The following CTBS variants were observed in gnomAD, a reference collection of about 807,000 sequenced individuals.
CTBS encodes the protein chitobiase.
In CTBS, 35 loss-of-function variants were observed where a neutral mutation model predicts 44.3. The ratio of observed to expected loss-of-function variants is 0.79; its 90% confidence interval spans 0.60 to 1.05. CTBS has a LOEUF of 1.05. Ranked by LOEUF, CTBS falls within the 50% of genes least tolerant of loss-of-function variation. The pLI is 0.00. For synonymous variants in CTBS, 143 were observed against 168.0 expected, an observed-to-expected ratio of 0.85 and a Z score of 1.15; for missense variants, 458 against 475.3, an observed-to-expected ratio of 0.96 and a Z score of 0.34.
At chr1:84,559,643 G>A (rs780716130) in intron 6 of CTBS, among the ~76,000 whole-genome samples, 3 of 151,932 alleles carry the variant, frequency 2.0e-5, no homozygotes, top group Non-Finnish European at 4.4e-5. Context: ...ACTTAATAAC[G>A]ATATTGAAAT....
chr1:84,568,869 G>A (rs761690881), intron 3 of CTBS, among the ~76,000 whole-genome samples: 4 of 152,052 alleles, frequency 2.6e-5, no homozygotes, highest in Non-Finnish European at 5.9e-5. Flanking sequence ...ATGACTGTAA[G>A]TTTTCCTGAG....
chr1:84,567,238 T>G (rs1684718440), intron 3 of CTBS, among the ~76,000 whole-genome samples: 1 of 152,260 alleles, frequency 6.6e-6, no homozygotes, highest in Non-Finnish European at 1.5e-5. Flanking sequence ...CTTTGCTCAG[T>G]AGTTTTCCAA....
chr1:84,570,484 G>C (rs1647271142), intron 2 of CTBS, 98 bp downstream of exon 2: 3 of 994,456 alleles, frequency 3.0e-6, no homozygotes, highest in Non-Finnish European at 3.0e-6. Context: ...AACAAAAACA[G>C]ATAAACATAA....
Position 84,554,840 on chromosome 1 carries a change from C to T in CTBS, c.*159G>A, listed in dbSNP as rs985142951. 42 of 600,126 alleles carry T rather than the reference C, an allele frequency of 7.0e-5. No homozygotes were observed. In the East Asian group the frequency reaches 8.3e-4, roughly 12 times the overall value. 37.2% of individuals were successfully genotyped at this position (600,126 alleles called of 1,614,324 possible). A position where few individuals can be genotyped will look rare whatever the true frequency, so the allele number is the denominator to read the frequency against. ...TATGTTCCTGGATACTGAGGACATTCGTGTGTATTTTTCAAATTCAAACAA... is the reference window on the plus strand; with the variant it reads ...TATGTTCCTGGATACTGAGGACATTTGTGTGTATTTTTCAAATTCAAACAA... On this transcript the variant is annotated 3_prime_UTR_variant, in exon 7 of 7. Transcript: ENST00000370630.
intron 6 of CTBS, 99 bp from the exon 7 acceptor site, chr1:84,555,298 GAA>G (rs1684396201): frequency 1.1e-6 from 1 of 885,508 alleles, no homozygotes; most frequent in Admixed American, 3.4e-5. Flanking sequence ...CAGTAAGAGG[GAA>G]AAAAGTTTCC....
At chr1:84,561,327 G>T (rs12405727) in intron 6 of CTBS, among the ~76,000 whole-genome samples, 3 of 152,188 alleles carry the variant, frequency 2.0e-5, no homozygotes, top group Admixed American at 2.0e-4. Context: ...AGAATTGGAG[G>T]TGAATCCTAA....
chr1:84,563,408 C>A lies in CTBS; in HGVS notation c.806G>T (p.Cys269Phe), dbSNP rs1391963522. 2 of 1,520,862 alleles carry A rather than the reference C, an allele frequency of 1.3e-6. No homozygotes were observed. Among genetic ancestry groups the A allele is most frequent in the Non-Finnish European group, 8.8e-7 (1 of 1,138,832 alleles). The allele number at this position is 1,520,862 out of a possible 1,614,324, so 94.2% of individuals were successfully genotyped here. A position where few individuals can be genotyped will look rare whatever the true frequency, so the allele number is the denominator to read the frequency against. The change falls in exon 6 of 7, where the codon TGT (cysteine) becomes TTT (phenylalanine). Residue 269 changes from cysteine (C) to phenylalanine (F), a missense_variant. Cys to Phe is a radical substitution (Grantham distance 205). Coordinates refer to ENST00000370630, the MANE Select transcript of CTBS (RefSeq NM_004388.3). ...TCLNLSEDHV[C>F]TIAKVPFRGA... ...CCGGAAAGGGACTTTTGCAATGGTA[C>A]AAACATGATCCTAGAAATGCAAAAG...
In CTBS at chr1:84,574,343, GCAGCGC is replaced by G. The variant is rs745427922; in HGVS notation, c.67_72del (p.Ala23_Leu24del). On this transcript the variant is annotated inframe_deletion, in exon 1 of 7. Coordinates refer to ENST00000370630, the MANE Select transcript of CTBS (RefSeq NM_004388.3). Reference sequence around the variant, plus strand: ...AGCGCCAGCAGCGCCAGCAGCGCCAGCAGCGCTAGACCCGGGACGCCGCTCGGCGGG... The same window carrying G: ...AGCGCCAGCAGCGCCAGCAGCGCCAGTAGACCCGGGACGCCGCTCGGCGGG... 7.4e-7 allele frequency: 1 copy of G among 1,353,382 alleles called. No homozygotes were observed. The highest frequency in any genetic ancestry group is 1.4e-5 in the African/African-American group (1 of 70,390). 83.8% of individuals were successfully genotyped at this position (1,353,382 alleles called of 1,614,324 possible).
In CTBS at chr1:84,553,681, A is replaced by G. The variant is rs1684342232; in HGVS notation, c.*1318T>C. 6.6e-6 allele frequency: 1 copy of G among 152,182 alleles called. No homozygotes were observed. Among genetic ancestry groups the G allele is most frequent in the Non-Finnish European group, 1.5e-5 (1 of 68,018 alleles). The allele number at this position is 152,182 out of a possible 1,614,324, so 9.4% of individuals were successfully genotyped here. A position where few individuals can be genotyped will look rare whatever the true frequency, so the allele number is the denominator to read the frequency against. ...CAACAGTGATCCAACATATACTATGAAAATGGTTTTTACTCTGTCACAAAC... is the reference window on the plus strand; with the variant it reads ...CAACAGTGATCCAACATATACTATGGAAATGGTTTTTACTCTGTCACAAAC... On this transcript the variant is annotated 3_prime_UTR_variant, in exon 7 of 7. Transcript: ENST00000370630.
At chr1:84,568,912 T>C (rs149409324) in intron 3 of CTBS, among the ~76,000 whole-genome samples, 7 of 152,322 alleles carry the variant, frequency 4.6e-5, no homozygotes, top group Non-Finnish European at 1.0e-4. Context: ...GTCAGCATTA[T>C]GCTTCCTGTA....
chr1:84,559,852 A>AG (rs1170334819), intron 6 of CTBS, among the ~76,000 whole-genome samples: 1 of 152,126 alleles, frequency 6.6e-6, no homozygotes, highest in Non-Finnish European at 1.5e-5. Context: ...TGGGAGGCCA[A>AG]GGTAGGCGGA....
intron 4 of CTBS, among the ~76,000 whole-genome samples, chr1:84,565,233 A>G (rs1269616651): frequency 6.6e-6 from 1 of 152,042 alleles, no homozygotes; most frequent in African/African-American, 2.4e-5. Flanking sequence ...ACAAAAGAAC[A>G]AGCAATCTTT....
rs956913092 is a variant in CTBS at position 84,550,298 on chromosome 1, T to C, written c.*4701A>G. The C allele has an allele frequency of 1.6e-5, 7 of 434,654 alleles. No individual in the cohort carries two copies. Among genetic ancestry groups the C allele is most frequent in the African/African-American group, 8.2e-5 (4 of 48,622 alleles). The allele number at this position is 434,654 out of a possible 1,614,324, so 26.9% of individuals were successfully genotyped here. A position where few individuals can be genotyped will look rare whatever the true frequency, so the allele number is the denominator to read the frequency against. ...TAGTAATTTCTCCAAAGCAATTTAG[T>C]TTACTTTACGGAATAGGTTATTTTC... On this transcript the variant is annotated 3_prime_UTR_variant, in exon 7 of 7. Transcript: ENST00000370630.
rs1345160906 is a variant in CTBS at position 84,569,915 on chromosome 1, AT to A, written c.525+15del. The A allele has an allele frequency of 6.2e-7, 1 of 1,604,022 alleles. No individual in the cohort carries two copies. The highest frequency in any genetic ancestry group is 2.2e-4 in the Middle Eastern group (1 of 4,498). On this transcript the variant is annotated intron_variant, in intron 3 of 6. Coordinates refer to ENST00000370630, the MANE Select transcript of CTBS (RefSeq NM_004388.3). ...ATGGAAAATATGAGGTTTCCAAAAA[AT>A]AAATGAGTTTTTACCTGTGATCCCT...
At chr1:84,559,264 G>A (rs1446414899) in intron 6 of CTBS, among the ~76,000 whole-genome samples, 1 of 152,140 alleles carries the variant, frequency 6.6e-6, no homozygotes, top group African/African-American at 2.4e-5. Context: ...TCTGCAATCA[G>A]TGGTCTTTGA....
chr1:84,553,139 A>C lies in CTBS; in HGVS notation c.*1860T>G. ...ATCTCAATTAGGTATGTTAATTTAAAACTTTTATTTGTAAAAAAATTTAAA... is the reference window on the plus strand; with the variant it reads ...ATCTCAATTAGGTATGTTAATTTAACACTTTTATTTGTAAAAAAATTTAAA... On this transcript the variant is annotated 3_prime_UTR_variant, in exon 7 of 7. Coordinates refer to ENST00000370630, the MANE Select transcript of CTBS (RefSeq NM_004388.3). 1 of 1,384,768 alleles carries C rather than the reference A, an allele frequency of 7.2e-7. No homozygotes were observed. Among genetic ancestry groups the C allele is most frequent in the Non-Finnish European group, 9.7e-7 (1 of 1,029,816 alleles). 85.8% of individuals were successfully genotyped at this position (1,384,768 alleles called of 1,614,324 possible).
At chr1:84,573,785 A>T in intron 1 of CTBS, 2 of 631,872 alleles carry the variant, frequency 3.2e-6, no homozygotes, top group Non-Finnish European at 2.0e-6. Flanking sequence ...GAGGTACTTT[A>T]AAGGAAAGGG....
intron 6 of CTBS, among the ~76,000 whole-genome samples, chr1:84,556,508 C>T (rs1393484419): frequency 1.3e-5 from 2 of 151,226 alleles, no homozygotes; most frequent in East Asian, 1.9e-4. Context: ...GTCGAGAGAT[C>T]GAGACCATCC....
chr1:84,570,760 A>G, intron 1 of CTBS, 40 bp from the exon 2 acceptor site: 5 of 1,595,522 alleles, frequency 3.1e-6, no homozygotes, highest in Non-Finnish European at 4.3e-6. Flanking sequence ...TAAACCAAGA[A>G]TATTATGCTG....
Sources: allele counts gnomAD v4.1 joint callset (sites outside exome capture counted in the v4.1 genomes callset), GRCh38; gene constraint gnomAD v4.1.1; transcripts MANE v1.5; gene names NCBI Gene and HGNC (gene_info 2026-07-23, HGNC 2026-07-21).